Variants in SLC44A3 observed in about 807,000 individuals in gnomAD.
SLC44A3 encodes choline transporter-like protein 3.
Under a neutral mutation model 75.4 loss-of-function variants are expected in SLC44A3, and 74 were observed. The observed-to-expected ratio is 0.98, with a 90% CI of 0.81 to 1.19. SLC44A3 has a LOEUF of 1.19. Among genes scored for constraint, SLC44A3 ranks in the 50% most tolerant of loss-of-function variants. The pLI is 0.00. For synonymous variants in SLC44A3, 310 were observed against 296.9 expected, an observed-to-expected ratio of 1.04 and a Z score of -0.45; for missense variants, 700 against 778.6, an observed-to-expected ratio of 0.90 and a Z score of 1.20.
intron 9 of SLC44A3, among the ~76,000 whole-genome samples, chr1:94,851,586 G>T (rs960296036): frequency 1.3e-5 from 2 of 152,224 alleles, no homozygotes; most frequent in African/African-American, 4.8e-5. Context: ...CTGACCCAGG[G>T]AATAACATCA....
In SLC44A3 at chr1:94,824,537, A is replaced by G; in HGVS notation, c.180A>G (p.Arg60=). 6.2e-7 allele frequency: 1 copy of G among 1,607,918 alleles called. No individual in the cohort carries two copies. ...CGGTGGTGGCTGGAGCCGCGGGAAGACTCCTCTTTGGCTATGACAGCTTTG... is the reference window on the plus strand; with the variant it reads ...CGGTGGTGGCTGGAGCCGCGGGAAGGCTCCTCTTTGGCTATGACAGCTTTG... ...GYSVVAGAAG[R]LLFGYDSFGN... Residue 60 remains arginine (R), a synonymous_variant, in exon 3 of 15, where the codon AGA becomes AGG. Coordinates refer to ENST00000271227, the MANE Select transcript of SLC44A3 (RefSeq NM_001114106.3).
At chr1:94,884,795 G>A (rs954021353) in intron 12 of SLC44A3, among the ~76,000 whole-genome samples, 12 of 152,050 alleles carry the variant, frequency 7.9e-5, no homozygotes, top group African/African-American at 2.9e-4. Flanking sequence ...CTAAGCGTTT[G>A]ATTTCAGGAG....
chr1:94,825,161 C>T (rs1222484870), intron 3 of SLC44A3, among the ~76,000 whole-genome samples: 1 of 152,132 alleles, frequency 6.6e-6, no homozygotes, highest in Non-Finnish European at 1.5e-5. Flanking sequence ...CCCCCTACTC[C>T]CTTACCCCAC....
chr1:94,888,347 C>G (rs1219547669), intron 12 of SLC44A3, among the ~76,000 whole-genome samples: 1 of 152,144 alleles, frequency 6.6e-6, no homozygotes, highest in Non-Finnish European at 1.5e-5. Flanking sequence ...GGGGGAAATG[C>G]CCTTGATCTT....
At chr1:94,879,878 A>G (rs1053672418) in intron 12 of SLC44A3, among the ~76,000 whole-genome samples, 5 of 152,126 alleles carry the variant, frequency 3.3e-5, no homozygotes, top group Admixed American at 2.0e-4. Flanking sequence ...AAGGACTTGA[A>G]GAGACATTTC....
intron 4 of SLC44A3, among the ~76,000 whole-genome samples, chr1:94,828,093 A>T (rs982728056): frequency 2.6e-5 from 4 of 152,246 alleles, no homozygotes; most frequent in Admixed American, 2.0e-4. Context: ...GTGGGATGTC[A>T]CAAGTTGTAC....
At chr1:94,845,223 T>G in intron 8 of SLC44A3, 55 bp from the exon 9 acceptor site, 12 of 1,509,562 alleles carry the variant, frequency 7.9e-6, no homozygotes, top group Non-Finnish European at 1.1e-5. Context: ...TGCTTTAAGC[T>G]CTACCCAGTT....
chr1:94,820,864 C>A, intron 1 of SLC44A3, 85 bp from the exon 2 acceptor site: 1 of 1,349,394 alleles, frequency 7.4e-7, no homozygotes, highest in Non-Finnish European at 1.0e-6. Context: ...TTACTTTGGC[C>A]CCTCTTCGAG....
intron 12 of SLC44A3, among the ~76,000 whole-genome samples, chr1:94,880,225 T>C (rs1037942002): frequency 6.6e-6 from 1 of 152,226 alleles, no homozygotes; most frequent in Non-Finnish European, 1.5e-5. Flanking sequence ...TGCACACCTG[T>C]GTTCATCACA....
chr1:94,873,776 T>C (rs1195118069), intron 12 of SLC44A3, among the ~76,000 whole-genome samples: 1 of 152,266 alleles, frequency 6.6e-6, no homozygotes, highest in Non-Finnish European at 1.5e-5. Context: ...TCCTCCTTTC[T>C]GCTCTCCCAG....
chr1:94,858,939 C>T (rs1004430491), intron 10 of SLC44A3, among the ~76,000 whole-genome samples: 1 of 152,120 alleles, frequency 6.6e-6, no homozygotes, highest in Non-Finnish European at 1.5e-5. Flanking sequence ...ATCCACCCGC[C>T]TAGTCCTCCC....
At chr1:94,830,573 G>A (rs554604502) in intron 5 of SLC44A3, among the ~76,000 whole-genome samples, 2 of 151,926 alleles carry the variant, frequency 1.3e-5, no homozygotes, top group Non-Finnish European at 2.9e-5. Flanking sequence ...TTACATTCTG[G>A]TAAAATGTAA....
intron 9 of SLC44A3, among the ~76,000 whole-genome samples, chr1:94,854,535 A>T (rs1665613151): frequency 2.0e-5 from 3 of 152,192 alleles, no homozygotes; most frequent in Admixed American, 1.3e-4. Context: ...CTGTCATGTG[A>T]TGAGGGGATC....
intron 9 of SLC44A3, among the ~76,000 whole-genome samples, chr1:94,856,275 C>T (rs1665862587): frequency 6.6e-6 from 1 of 152,096 alleles, no homozygotes; most frequent in Admixed American, 6.5e-5. Flanking sequence ...GCTCAAAATA[C>T]CACCAGGAAA....
At chr1:94,842,866 A>C (rs75978240) in intron 8 of SLC44A3, among the ~76,000 whole-genome samples, 6 of 152,212 alleles carry the variant, frequency 3.9e-5, no homozygotes, top group Non-Finnish European at 7.3e-5. Context: ...CACCAACAAA[A>C]TTCTCTCATA....
intron 12 of SLC44A3, among the ~76,000 whole-genome samples, chr1:94,888,347 C>A (rs1219547669): frequency 6.6e-6 from 1 of 152,144 alleles, no homozygotes. Context: ...GGGGGAAATG[C>A]CCTTGATCTT....
chr1:94,864,960 T>C lies in SLC44A3; in HGVS notation c.1395+61T>C, dbSNP rs890890519. ...TTTGGGTTGCCAGAAACTTAATTAC[T>C]GGAAAACTACAGCAGGTCCCAGGAC... On this transcript the variant is annotated intron_variant, in intron 11 of 14. Transcript: ENST00000271227. 106 of 1,566,634 alleles carry C rather than the reference T, an allele frequency of 6.8e-5. No individual in the cohort carries two copies. In the Middle Eastern group the frequency reaches 2.5e-3, roughly 38 times the overall value.
chr1:94,871,397 C>G (rs1308549941), intron 12 of SLC44A3, among the ~76,000 whole-genome samples: 1 of 152,188 alleles, frequency 6.6e-6, no homozygotes, highest in Non-Finnish European at 1.5e-5. Flanking sequence ...TGGCCATTCT[C>G]AGAGACTTTC....
intron 12 of SLC44A3, among the ~76,000 whole-genome samples, chr1:94,871,237 A>G (rs698956): frequency 0.99 from 150,291 of 152,326 alleles, 74,150 homozygotes; most frequent in Non-Finnish European, 0.99. Context: ...TTGTGGAGGA[A>G]GACGGGAAAG....
Sources: allele counts gnomAD v4.1 joint callset (sites outside exome capture counted in the v4.1 genomes callset), GRCh38; gene constraint gnomAD v4.1.1; transcripts MANE v1.5; gene names NCBI Gene and HGNC (gene_info 2026-07-23, HGNC 2026-07-21).